Variants in HS2ST1 observed in about 807,000 individuals in gnomAD.
HS2ST1 encodes the protein heparan sulfate 2-O-sulfotransferase 1.
HS2ST1 carries 18 observed loss-of-function variants against 42.9 expected under a neutral mutation model. The ratio of observed to expected loss-of-function variants is 0.42; its 90% confidence interval spans 0.29 to 0.62. The LOEUF is 0.62. Among genes scored for constraint, HS2ST1 ranks in the 20% least tolerant of loss-of-function variants. The pLI, the probability that HS2ST1 is intolerant of heterozygous loss-of-function variation, is 0.21. For synonymous variants in HS2ST1, 146 were observed against 152.9 expected (o/e 0.95, Z 0.33); for missense variants, 334 against 433.8 (o/e 0.77, Z 2.04).
chr1:87,109,691 C>A lies in HS2ST1; in HGVS notation c.*4995C>A, dbSNP rs1652424820. 1 of 151,844 alleles carries A rather than the reference C, an allele frequency of 6.6e-6. No homozygotes were observed. Among genetic ancestry groups the A allele is most frequent in the South Asian group, 2.1e-4 (1 of 4,814 alleles). 9.4% of individuals were successfully genotyped at this position (151,844 alleles called of 1,614,324 possible). On this transcript the variant is annotated 3_prime_UTR_variant, in exon 7 of 7. Transcript: ENST00000370550. ...TATATGATATTGGGTTGATAAAATA[C>A]CAGTTCAATGATGAGTTTTCTTAAC...
chr1:87,095,383 G>C (rs1278973460), intron 4 of HS2ST1, among the ~76,000 whole-genome samples: 1 of 152,094 alleles, frequency 6.6e-6, no homozygotes, highest in East Asian at 1.9e-4. Flanking sequence ...CAGCACTTAT[G>C]GCAACTATTA....
chr1:86,919,412 G>A (rs1379510942), intron 1 of HS2ST1, among the ~76,000 whole-genome samples: 1 of 152,060 alleles, frequency 6.6e-6, no homozygotes, highest in Non-Finnish European at 1.5e-5. Context: ...TACATTTTCT[G>A]TATTTTATTA....
chr1:87,087,907 G>A (rs921835029), intron 3 of HS2ST1, among the ~76,000 whole-genome samples: 2 of 152,030 alleles, frequency 1.3e-5, no homozygotes, highest in South Asian at 2.1e-4. Flanking sequence ...AATCCACTTA[G>A]ACTCCTTGCT....
At chr1:86,960,631 C>T (rs999091205) in intron 1 of HS2ST1, among the ~76,000 whole-genome samples, 1 of 152,062 alleles carries the variant, frequency 6.6e-6, no homozygotes, top group East Asian at 1.9e-4. Context: ...AAATCTGAAC[C>T]TCCTTGGAGA....
intron 1 of HS2ST1, among the ~76,000 whole-genome samples, chr1:86,970,488 C>G (rs1648199145): frequency 6.6e-6 from 1 of 152,090 alleles, no homozygotes. Flanking sequence ...GCAGCCTCCA[C>G]CTCCCGGGTT....
intron 1 of HS2ST1, among the ~76,000 whole-genome samples, chr1:87,010,656 C>G (rs777161393): frequency 6.6e-6 from 1 of 151,764 alleles, no homozygotes; most frequent in South Asian, 2.1e-4. Context: ...ATTCATTTGG[C>G]TATAAATTTG....
intron 1 of HS2ST1, among the ~76,000 whole-genome samples, chr1:87,032,813 T>C (rs1401298833): frequency 3.3e-5 from 5 of 152,184 alleles, no homozygotes; most frequent in African/African-American, 1.2e-4. Flanking sequence ...AATGTATATA[T>C]GGAACCCCAG....
chr1:86,975,673 T>G (rs1419414002), intron 1 of HS2ST1, among the ~76,000 whole-genome samples: 1 of 152,138 alleles, frequency 6.6e-6, no homozygotes, highest in Non-Finnish European at 1.5e-5. Context: ...TGAGGTAATT[T>G]TTACAGTTTA....
At chr1:87,076,467 T>G (rs1397796261) in intron 2 of HS2ST1, among the ~76,000 whole-genome samples, 1 of 152,206 alleles carries the variant, frequency 6.6e-6, no homozygotes, top group Non-Finnish European at 1.5e-5. Flanking sequence ...TATAGAGATG[T>G]TCACTGTCCT....
intron 1 of HS2ST1, among the ~76,000 whole-genome samples, chr1:87,070,154 CCT>C (rs1557535512): frequency 6.6e-6 from 1 of 152,102 alleles, no homozygotes; most frequent in Non-Finnish European, 1.5e-5. Context: ...CTAGAGGAAA[CCT>C]CTCACGCTTC....
At chr1:87,065,540 T>C (rs1004237021) in intron 1 of HS2ST1, among the ~76,000 whole-genome samples, 1 of 152,254 alleles carries the variant, frequency 6.6e-6, no homozygotes, top group African/African-American at 2.4e-5. Context: ...GGAGCTGTTT[T>C]GTTTTTAAGG....
chr1:86,936,706 T>C (rs1008423844), intron 1 of HS2ST1, among the ~76,000 whole-genome samples: 1 of 152,164 alleles, frequency 6.6e-6, no homozygotes, highest in African/African-American at 2.4e-5. Context: ...ACCGTTCTTT[T>C]ATATTCTCTT....
chr1:87,046,058 C>G, intron 1 of HS2ST1: 3 of 666,242 alleles, frequency 4.5e-6, no homozygotes, highest in Non-Finnish European at 8.6e-6. Context: ...ATATGGTTGC[C>G]TACCATGACA....
At chr1:87,022,862 G>T (rs1649987050) in intron 1 of HS2ST1, among the ~76,000 whole-genome samples, 1 of 152,198 alleles carries the variant, frequency 6.6e-6, no homozygotes, top group African/African-American at 2.4e-5. Flanking sequence ...GTAGAGAAAG[G>T]TTATTCAAAA....
chr1:87,093,994 A>G (rs1652006886), intron 4 of HS2ST1, among the ~76,000 whole-genome samples: 1 of 152,114 alleles, frequency 6.6e-6, no homozygotes, highest in African/African-American at 2.4e-5. Flanking sequence ...GCATTATTTA[A>G]TCTTCTAGAA....
At chr1:87,005,938 T>C (rs562393331) in intron 1 of HS2ST1, among the ~76,000 whole-genome samples, 275 of 152,248 alleles carry the variant, frequency 1.8e-3, no homozygotes, top group Non-Finnish European at 3.2e-3. Flanking sequence ...GTAAAGAAAA[T>C]ATCCTCATTA....
At chr1:87,017,511 A>G (rs1287784993) in intron 1 of HS2ST1, among the ~76,000 whole-genome samples, 3 of 152,226 alleles carry the variant, frequency 2.0e-5, no homozygotes, top group Non-Finnish European at 4.4e-5. Context: ...CATATGTTAT[A>G]TATACATAGC....
rs1222857462 is a variant in HS2ST1 at position 86,966,685 on chromosome 1, C to G, written c.124+51525C>G. Among the ~76,000 whole-genome samples the G allele has an allele frequency of 2.6e-5, 4 of 152,148 alleles. No individual in the cohort carries two copies. The East Asian group carries it at 5.8e-4, about 22-fold the overall frequency. ...CTTGAACTCTTGGGCTCAAATGATC[C>G]TAACCATTGAAACCTCTTGAGTAGC... On this transcript the variant is annotated intron_variant, in intron 1 of 6. Coordinates refer to ENST00000370550, the MANE Select transcript of HS2ST1 (RefSeq NM_012262.4).
intron 1 of HS2ST1, among the ~76,000 whole-genome samples, chr1:86,996,625 A>G (rs978545482): frequency 1.3e-5 from 2 of 152,068 alleles, no homozygotes; most frequent in African/African-American, 4.8e-5. Context: ...GAACCCCTAC[A>G]ATTACATTTT....
Sources: allele counts gnomAD v4.1 joint callset (sites outside exome capture counted in the v4.1 genomes callset), GRCh38; gene constraint gnomAD v4.1.1; transcripts MANE v1.5; gene names NCBI Gene and HGNC (gene_info 2026-07-23, HGNC 2026-07-21).